ALG9: variants seen among roughly 807,000 people sequenced by gnomAD.
The protein encoded by ALG9 is alpha-1,2-mannosyltransferase ALG9.
ALG9 carries 55 observed loss-of-function variants against 81.8 expected under a neutral mutation model. That is an observed-to-expected ratio of 0.67 (90% CI 0.54 to 0.84). The LOEUF (loss-of-function observed/expected upper bound fraction) is 0.84, where lower values mean the gene tolerates loss of function less well. Among genes scored for constraint, ALG9 ranks in the 40% least tolerant of loss-of-function variants. The pLI is 0.00. For missense variants in ALG9, 629 were observed against 745.0 expected, an observed-to-expected ratio of 0.84 and a Z score of 1.81; for synonymous variants, 278 against 274.3, an observed-to-expected ratio of 1.01 and a Z score of -0.13.
intron 14 of ALG9, among the ~76,000 whole-genome samples, chr11:111,799,541 T>C (rs1377793919): frequency 1.3e-5 from 2 of 151,808 alleles, no homozygotes; most frequent in African/African-American, 4.8e-5. Context: ...AGGCCCAATC[T>C]AGGCCACAAT....
Position 111,806,023 on chromosome 11 carries a change from A to AT in ALG9, c.1733+3619dup, listed in dbSNP as rs571974224. The stretch of plus-strand genomic sequence containing the variant: ...AGGTGCTCACCACCATAGCCAGCTA[A>AT]TTTTTTTTGTATTTTTAGTAGAGAC... On this transcript the variant is annotated intron_variant, in intron 14 of 14. Transcript: ENST00000616540. Among the ~76,000 whole-genome samples, 76 of 151,752 alleles carry AT rather than the reference A, an allele frequency of 5.0e-4. 1 individual carries two copies. Among genetic ancestry groups the AT allele is most frequent in the African/African-American group, 1.7e-3 (72 of 41,414 alleles).
intron 14 of ALG9, among the ~76,000 whole-genome samples, chr11:111,807,386 T>C (rs923267403): frequency 2.0e-5 from 3 of 152,156 alleles, no homozygotes; most frequent in African/African-American, 4.8e-5. Flanking sequence ...GATGTCCACA[T>C]GGTTAATGCC....
At chr11:111,825,429 T>C (rs1448950804) in intron 13 of ALG9, among the ~76,000 whole-genome samples, 1 of 152,210 alleles carries the variant, frequency 6.6e-6, no homozygotes, top group African/African-American at 2.4e-5. Context: ...TCCTGCTCAA[T>C]TAACTAAAAT....
At chr11:111,814,860 A>G (rs782160401) in intron 13 of ALG9, 2 of 152,238 alleles carry the variant, frequency 1.3e-5, no homozygotes, top group African/African-American at 4.8e-5. Flanking sequence ...CCCAAGGATT[A>G]TAAGAACATG....
At chr11:111,788,603 G>A (rs537864781) in intron 14 of ALG9, 6 of 381,166 alleles carry the variant, frequency 1.6e-5, no homozygotes, top group African/African-American at 1.1e-4. Context: ...AAATTAGCCT[G>A]GCAGGGTGGC....
At chr11:111,838,811 A>C (rs942160468) in intron 10 of ALG9, among the ~76,000 whole-genome samples, 1 of 152,210 alleles carries the variant, frequency 6.6e-6, no homozygotes, top group African/African-American at 2.4e-5. Context: ...CTCATGACCA[A>C]ATAAGAAAAA....
Position 111,830,741 on chromosome 11 carries a change from A to C in ALG9, c.1602+5424T>G, listed in dbSNP as rs570545260. Among the ~76,000 whole-genome samples, 2 of 152,314 alleles carry C rather than the reference A, an allele frequency of 1.3e-5. 1 individual carries two copies. Among genetic ancestry groups the C allele is most frequent in the South Asian group, 4.1e-4 (2 of 4,822 alleles). ...GGCAGGAGAAGGGATAAAATGAGAGAGAAAGGAAGAAAAAGAGAAGAAAGG... is the reference window on the plus strand; with the variant it reads ...GGCAGGAGAAGGGATAAAATGAGAGCGAAAGGAAGAAAAAGAGAAGAAAGG... On this transcript the variant is annotated intron_variant, in intron 13 of 14. Transcript: ENST00000616540.
At position 111,853,383 on chromosome 11, in the gene ALG9, A is replaced by G. The variant is rs782294343; in HGVS notation, c.892T>C (p.Tyr298His). The G allele has an allele frequency of 1.9e-6, 3 of 1,612,402 alleles. No individual in the cohort carries two copies. The highest frequency in any genetic ancestry group is 2.7e-5 in the African/African-American group (2 of 74,892). ...CCCAAATTTCACAAAGCCTTACCAT[A>G]AAGATCAGGTCCATGAGGAGTAAAG... ...NVFTPHGPDL[Y>H]GTEPWYFYLI... Residue 298 changes from tyrosine (Y) to histidine (H), a missense_variant, in exon 8 of 15, where the codon TAT (tyrosine) becomes CAT (histidine). By Grantham distance (83) the Tyr-to-His change is moderately conservative. This residue lies in a region of ALG9 where 344 missense variants were observed against 390.5 expected (regional missense o/e 0.88). Transcript: ENST00000616540.
rs371939356 is a variant in ALG9, at chr11:111,853,638, A to C, written c.789+11T>G. 134 of 1,613,320 alleles carry C rather than the reference A, an allele frequency of 8.3e-5. No homozygotes were observed. Among genetic ancestry groups the C allele is most frequent in the Middle Eastern group, 3.3e-4 (2 of 6,084 alleles). On this transcript the variant is annotated intron_variant, in intron 7 of 14. Coordinates refer to ENST00000616540, the MANE Select transcript of ALG9 (RefSeq NM_024740.2). ...AACTTTAGGACAAAGCAAGTAAAAA[A>C]GAAAACTCACCAGAAATAGTATGAG...
chr11:111,840,733 A>T lies in ALG9; in HGVS notation c.1095T>A (p.Pro365=), dbSNP rs782591072. The change falls in exon 10 of 15, where the codon CCT becomes CCA. Residue 365 remains proline (P), a synonymous_variant. Transcript: ENST00000616540. ...GGAAAAGAAATCTCTCCTCTTTGTG[A>T]GGCTGGATGAAGAAAATTATAAACC... ...YIWFIIFFIQ[P]HKEERFLFPV... 5 of 1,614,018 alleles carry T rather than the reference A, an allele frequency of 3.1e-6. No individual in the cohort carries two copies. The East Asian group carries it at 1.1e-4, about 36-fold the overall frequency.
At chr11:111,786,625 T>C in intron 14 of ALG9, 105 bp from the exon 15 acceptor site, 3 of 1,302,596 alleles carry the variant, frequency 2.3e-6, no homozygotes, top group Non-Finnish European at 3.2e-6. Flanking sequence ...AAGGATTATA[T>C]TTTATTCAAG....
intron 8 of ALG9, among the ~76,000 whole-genome samples, chr11:111,848,897 C>T (rs527263172): frequency 6.6e-6 from 1 of 152,284 alleles, no homozygotes; most frequent in Non-Finnish European, 1.5e-5. Flanking sequence ...ACCAGAAGGA[C>T]ATGCTCCTAT....
intron 13 of ALG9, among the ~76,000 whole-genome samples, chr11:111,811,885 G>A (rs985682731): frequency 1.3e-5 from 2 of 152,030 alleles, no homozygotes; most frequent in African/African-American, 4.8e-5. Context: ...TTTTGGGGGG[G>A]AGGCATAATA....
the ALG9 span, chr11:111,768,644 AATT>A: frequency 6.7e-6 from 1 of 150,244 alleles, no homozygotes; most frequent in Non-Finnish European, 1.5e-5. Context: ...GATTTTAAAA[AATT>A]ATTGTGTTGT....
At chr11:111,838,880 CA>C (rs1195829673) in intron 10 of ALG9, among the ~76,000 whole-genome samples, 5 of 152,068 alleles carry the variant, frequency 3.3e-5, no homozygotes, top group African/African-American at 9.7e-5. Context: ...AATGACTTTA[CA>C]AACTAGATGA....
chr11:111,800,403 C>T (rs943532418), intron 14 of ALG9, among the ~76,000 whole-genome samples: 10 of 152,104 alleles, frequency 6.6e-5, no homozygotes, highest in Non-Finnish European at 1.5e-4. Context: ...ATCACTTGAA[C>T]CCAGGAGGCA....
At chr11:111,790,366 G>A (rs1037253224) in intron 14 of ALG9, among the ~76,000 whole-genome samples, 4 of 152,142 alleles carry the variant, frequency 2.6e-5, no homozygotes, top group East Asian at 3.9e-4. Context: ...GACTAGGCAG[G>A]TGTTGTGGTA....
chr11:111,837,663 T>A, intron 11 of ALG9, 48 bp from the exon 12 acceptor site: 1 of 1,591,712 alleles, frequency 6.3e-7, no homozygotes, highest in Non-Finnish European at 8.6e-7. Flanking sequence ...TAAGATGAGA[T>A]TCTCACTTTA....
chr11:111,802,960 T>G (rs1949353614), intron 14 of ALG9, among the ~76,000 whole-genome samples: 1 of 152,140 alleles, frequency 6.6e-6, no homozygotes, highest in African/African-American at 2.4e-5. Flanking sequence ...GGCAAGGCCA[T>G]CAGAAGAAAA....
Sources: allele counts gnomAD v4.1 joint callset (sites outside exome capture counted in the v4.1 genomes callset), GRCh38; gene constraint gnomAD v4.1.1; regional missense constraint gnomAD v4.1.1; transcripts MANE v1.5; gene names NCBI Gene and HGNC (gene_info 2026-07-23, HGNC 2026-07-21).